The following PABPC4L variants were observed in gnomAD, a reference collection of about 807,000 sequenced individuals.
The protein encoded by PABPC4L is poly(A) binding protein cytoplasmic 4 like.
For synonymous variants in PABPC4L, 169 were observed against 164.1 expected (o/e 1.03, Z -0.23); for missense variants, 452 against 451.4 (o/e 1.00, Z -0.01).
chr4:134,018,392 G>A, the PABPC4L span, among the ~76,000 whole-genome samples: 1 of 152,086 alleles, frequency 6.6e-6, no homozygotes, highest in African/African-American at 2.4e-5. Flanking sequence ...AATGGTATAT[G>A]TGCAGGTTTG....
chr4:134,028,285 C>T, the PABPC4L span, among the ~76,000 whole-genome samples: 2 of 151,976 alleles, frequency 1.3e-5, no homozygotes, highest in African/African-American at 4.8e-5. Context: ...CAAATACAGG[C>T]AAAAAGATCG....
At chr4:133,988,934 G>T in the PABPC4L span, among the ~76,000 whole-genome samples, 1 of 152,136 alleles carries the variant, frequency 6.6e-6, no homozygotes, top group Non-Finnish European at 1.5e-5. Context: ...GCAACTGCAG[G>T]ACAAACACCA....
At chr4:134,043,168 C>T in the PABPC4L span, among the ~76,000 whole-genome samples, 16 of 128,126 alleles carry the variant, frequency 1.2e-4, no homozygotes, top group African/African-American at 4.9e-4. Flanking sequence ...TACACCCACA[C>T]ACCATATACA....
the PABPC4L span, among the ~76,000 whole-genome samples, chr4:134,066,493 T>G: frequency 6.6e-6 from 1 of 152,068 alleles, no homozygotes; most frequent in African/African-American, 2.4e-5. Context: ...GGAAGCAGAA[T>G]AGTTTGACTT....
the PABPC4L span, among the ~76,000 whole-genome samples, chr4:134,072,542 A>T: frequency 6.6e-6 from 1 of 152,208 alleles, no homozygotes; most frequent in Non-Finnish European, 1.5e-5. Flanking sequence ...TAGGGAAGTG[A>T]CATTTCTAAA....
chr4:133,974,342 C>A, the PABPC4L span, among the ~76,000 whole-genome samples: 1 of 151,978 alleles, frequency 6.6e-6, no homozygotes, highest in African/African-American at 2.4e-5. Context: ...ACACTGTACA[C>A]AAAAATTAAC....
At chr4:134,080,071 A>G in the PABPC4L span, among the ~76,000 whole-genome samples, 396 of 152,206 alleles carry the variant, frequency 2.6e-3, 3 homozygotes, top group Middle Eastern at 0.017. Context: ...TTCCTACTGA[A>G]TATTGCTGGA....
At chr4:134,064,257 A>G in the PABPC4L span, among the ~76,000 whole-genome samples, 4 of 152,044 alleles carry the variant, frequency 2.6e-5, no homozygotes, top group Non-Finnish European at 5.9e-5. Flanking sequence ...GCCAAAAAGA[A>G]ATTAAGTTAA....
the PABPC4L span, among the ~76,000 whole-genome samples, chr4:134,014,111 G>C: frequency 1.9e-4 from 29 of 152,066 alleles, no homozygotes; most frequent in African/African-American, 7.0e-4. Context: ...CAGCAACCCT[G>C]AGACACTTTA....
chr4:134,069,630 A>G, the PABPC4L span, among the ~76,000 whole-genome samples: 1 of 152,310 alleles, frequency 6.6e-6, no homozygotes, highest in South Asian at 2.1e-4. Context: ...TTGTGATAGT[A>G]TTCTGAAATT....
chr4:134,079,367 G>A, the PABPC4L span, among the ~76,000 whole-genome samples: 2 of 150,874 alleles, frequency 1.3e-5, no homozygotes, highest in African/African-American at 4.9e-5. Flanking sequence ...GGATCACGAG[G>A]TCGGAGATCG....
chr4:134,018,191 C>G, the PABPC4L span, among the ~76,000 whole-genome samples: 2 of 152,064 alleles, frequency 1.3e-5, no homozygotes, highest in Non-Finnish European at 2.9e-5. Context: ...GACCCCCACT[C>G]CTGCCCGCCA....
chr4:134,073,778 G>A, the PABPC4L span, among the ~76,000 whole-genome samples: 32 of 152,250 alleles, frequency 2.1e-4, no homozygotes, highest in African/African-American at 3.6e-4. Flanking sequence ...AACACAACAC[G>A]TAGGCTGCCA....
chr4:134,031,864 G>A, the PABPC4L span, among the ~76,000 whole-genome samples: 129 of 151,930 alleles, frequency 8.5e-4, no homozygotes, highest in African/African-American at 3.1e-3. Context: ...AAATGTATTA[G>A]AATTGCAGAC....
the PABPC4L span, among the ~76,000 whole-genome samples, chr4:134,021,918 T>C: frequency 6.6e-6 from 1 of 152,134 alleles, no homozygotes; most frequent in Non-Finnish European, 1.5e-5. Context: ...GAGCTTCATG[T>C]AAAATAAGCT....
chr4:134,153,524 A>G, the PABPC4L span, among the ~76,000 whole-genome samples: 3 of 152,272 alleles, frequency 2.0e-5, no homozygotes, highest in South Asian at 2.1e-4. Context: ...TGTTCACGTG[A>G]TATTATTTAT....
the PABPC4L span, among the ~76,000 whole-genome samples, chr4:134,190,369 T>G: frequency 6.6e-6 from 1 of 152,130 alleles, no homozygotes; most frequent in East Asian, 1.9e-4. Context: ...TTAGAATCTC[T>G]CATGTTTTTA....
chr4:134,077,530 G>A, the PABPC4L span, among the ~76,000 whole-genome samples: 1 of 152,126 alleles, frequency 6.6e-6, no homozygotes, highest in Non-Finnish European at 1.5e-5. Flanking sequence ...CATTGGGTGG[G>A]TGAGCTAAAC....
the PABPC4L span, among the ~76,000 whole-genome samples, chr4:133,972,269 A>G: frequency 2.0e-5 from 3 of 152,184 alleles, no homozygotes; most frequent in African/African-American, 7.2e-5. Flanking sequence ...ATTAAAGCAA[A>G]TATACTCTAG....
Sources: allele counts gnomAD v4.1 joint callset (sites outside exome capture counted in the v4.1 genomes callset), GRCh38; gene constraint gnomAD v4.1.1; transcripts MANE v1.5; gene names NCBI Gene and HGNC (gene_info 2026-07-23, HGNC 2026-07-21).